ANKRD44: variants seen among roughly 807,000 people sequenced by gnomAD.
ANKRD44 encodes the protein ankyrin repeat domain 44, also known as serine/threonine-protein phosphatase 6 regulatory ankyrin repeat subunit B.
Under a neutral mutation model 116.0 loss-of-function variants are expected in ANKRD44, and 35 were observed. The ratio of observed to expected loss-of-function variants is 0.30; its 90% CI spans 0.23 to 0.40. The LOEUF (loss-of-function observed/expected upper bound fraction) is 0.40, where lower values mean the gene tolerates loss of function less well. ANKRD44 is among the 10% of genes least tolerant of loss of function. ANKRD44 has a pLI of 1.00. For synonymous variants in ANKRD44, 435 were observed against 461.8 expected (o/e 0.94, Z 0.74); for missense variants, 1,014 against 1,242.6 (o/e 0.82, Z 2.77).
chr2:197,238,328 T>TA (rs34671387), intron 1 of ANKRD44, among the ~76,000 whole-genome samples: 53,066 of 151,058 alleles, frequency 0.35, 11,351 homozygotes, highest in East Asian at 0.64. Context: ...CACTCTACCG[T>TA]AAAAAAAAAT....
In ANKRD44 at chr2:197,071,614, A is replaced by G. The variant is rs1021835316; in HGVS notation, c.1650+7089T>C. ...TGAATTTTGTTTTATGGTTCAAGATATTGCTTATCTTTGTGAATGTTCATG... is the reference window on the plus strand; with the variant it reads ...TGAATTTTGTTTTATGGTTCAAGATGTTGCTTATCTTTGTGAATGTTCATG... On this transcript the variant is annotated intron_variant, in intron 16 of 27. Coordinates refer to ENST00000282272, the MANE Select transcript of ANKRD44 (RefSeq NM_001195144.2). 3.3e-5 allele frequency among the ~76,000 whole-genome samples: 5 copies of G among 152,224 alleles called. No homozygotes were observed. The East Asian group carries it at 9.6e-4, about 29-fold the overall frequency.
rs1179524292 is a variant in ANKRD44 at position 196,971,678 on chromosome 2, A to T, written c.2369-4232T>A. ...AAGGAGTAATATTTAACTCATACAT[A>T]CCAGAAGAGGATACTGGCTAGCAGT... On this transcript the variant is annotated intron_variant, in intron 21 of 21. Transcript: ENST00000424317. 3.9e-5 allele frequency among the ~76,000 whole-genome samples: 6 copies of T among 152,138 alleles called. No individual in the cohort carries two copies. In the East Asian group the frequency reaches 1.2e-3, roughly 29 times the overall value.
intron 1 of ANKRD44, among the ~76,000 whole-genome samples, chr2:197,214,225 T>C (rs1223978809): frequency 6.6e-6 from 1 of 152,192 alleles, no homozygotes; most frequent in African/African-American, 2.4e-5. Flanking sequence ...TTCTTAATTG[T>C]CCAATCTCAG....
At chr2:197,213,176 G>A (rs548197509) in intron 1 of ANKRD44, among the ~76,000 whole-genome samples, 4 of 152,254 alleles carry the variant, frequency 2.6e-5, no homozygotes, top group Non-Finnish European at 4.4e-5. Context: ...GCCACCCAGC[G>A]AGCTATGACC....
intron 20 of ANKRD44, among the ~76,000 whole-genome samples, chr2:197,006,436 C>G (rs998772982): frequency 2.0e-5 from 3 of 152,094 alleles, no homozygotes; most frequent in Admixed American, 6.6e-5. Flanking sequence ...CAGAGCAAGA[C>G]TCCATCTCAA....
chr2:197,279,146 C>T (rs2083191580), intron 1 of ANKRD44, among the ~76,000 whole-genome samples: 1 of 152,196 alleles, frequency 6.6e-6, no homozygotes, highest in Non-Finnish European at 1.5e-5. Context: ...ATTCAGTCCA[C>T]ATTTCAAAGA....
chr2:197,059,479 A>G (rs545559521), intron 16 of ANKRD44, among the ~76,000 whole-genome samples: 2 of 152,246 alleles, frequency 1.3e-5, no homozygotes. Context: ...TGATCCAATG[A>G]CAGCTAATCT....
chr2:197,052,440 C>T (rs180956097), intron 16 of ANKRD44, among the ~76,000 whole-genome samples: 7 of 152,146 alleles, frequency 4.6e-5, no homozygotes, highest in African/African-American at 1.7e-4. Flanking sequence ...AATCATCTTA[C>T]CCACATTACA....
At position 197,243,543 on chromosome 2, in the gene ANKRD44, A is replaced by G. The variant is rs532649924; in HGVS notation, c.28-56437T>C. On this transcript the variant is annotated intron_variant, in intron 1 of 27. Coordinates refer to ENST00000282272, the MANE Select transcript of ANKRD44 (RefSeq NM_001195144.2). ...CAGAAAACCTGTAGAGGACTATCTT[A>G]GTCCACTTGAGTTGCTATAACAAAA... Among the ~76,000 whole-genome samples the G allele has an allele frequency of 2.0e-5, 3 of 152,364 alleles. No homozygotes were observed. The South Asian group carries it at 6.2e-4, about 32-fold the overall frequency.
At chr2:196,993,834 C>G (rs1362546277) in intron 26 of ANKRD44, among the ~76,000 whole-genome samples, 160 bp from the exon 27 acceptor site, 1 of 152,134 alleles carries the variant, frequency 6.6e-6, no homozygotes. Flanking sequence ...AGATCTTTTC[C>G]AGGTGCTAAT....
chr2:197,021,882 G>A (rs1453804832), intron 17 of ANKRD44, among the ~76,000 whole-genome samples: 1 of 152,186 alleles, frequency 6.6e-6, no homozygotes, highest in African/African-American at 2.4e-5. Flanking sequence ...GAAAGAATTG[G>A]GATCTCAACA....
At chr2:197,051,376 C>T (rs2077103943) in intron 16 of ANKRD44, among the ~76,000 whole-genome samples, 1 of 152,058 alleles carries the variant, frequency 6.6e-6, no homozygotes, top group African/African-American at 2.4e-5. Context: ...TTGGTTAAAT[C>T]AGAATACATC....
chr2:196,977,121 T>C (rs753338431), intron 21 of ANKRD44, among the ~76,000 whole-genome samples: 3 of 152,130 alleles, frequency 2.0e-5, no homozygotes, highest in Non-Finnish European at 4.4e-5. Context: ...TTTAACAAAA[T>C]AAGTGCAAAA....
At chr2:197,187,191 T>A in intron 1 of ANKRD44, 85 bp from the exon 2 acceptor site, 1 of 1,364,548 alleles carries the variant, frequency 7.3e-7, no homozygotes, top group Admixed American at 1.8e-5. Flanking sequence ...GATTTGTTCC[T>A]TAAAAGTTTA....
At position 197,242,260 on chromosome 2, in the gene ANKRD44, T is replaced by C. The variant is rs2125801349; in HGVS notation, c.28-55154A>G. ...AACAGTACAGAAAAGTTATAACAGA[T>C]CTATGTAGCAAATATTTTATAATAT... On this transcript the variant is annotated intron_variant, in intron 1 of 27. Coordinates refer to ENST00000282272, the MANE Select transcript of ANKRD44 (RefSeq NM_001195144.2). 2.0e-5 allele frequency among the ~76,000 whole-genome samples: 3 copies of C among 152,282 alleles called. No individual in the cohort carries two copies. In the South Asian group the frequency reaches 6.2e-4, roughly 32 times the overall value.
intron 1 of ANKRD44, among the ~76,000 whole-genome samples, chr2:197,245,435 T>C (rs557398136): frequency 9.8e-5 from 15 of 152,310 alleles, no homozygotes; most frequent in Admixed American, 8.5e-4. Flanking sequence ...ATCCCTGGAT[T>C]TGGATATCTA....
At chr2:197,252,512 C>T (rs2178204) in intron 1 of ANKRD44, among the ~76,000 whole-genome samples, 15,563 of 152,044 alleles carry the variant, frequency 0.1, 865 homozygotes, top group Middle Eastern at 0.13. Flanking sequence ...GTTCACGCCA[C>T]TCTCCTGCCT....
intron 1 of ANKRD44, among the ~76,000 whole-genome samples, chr2:197,293,566 C>T (rs1020375995): frequency 3.3e-5 from 5 of 152,166 alleles, no homozygotes; most frequent in African/African-American, 1.2e-4. Flanking sequence ...ATCTTAAATA[C>T]ATCTCACAAA....
chr2:197,279,524 C>A (rs1177324854), intron 1 of ANKRD44, among the ~76,000 whole-genome samples: 1 of 152,158 alleles, frequency 6.6e-6, no homozygotes, highest in African/African-American at 2.4e-5. Flanking sequence ...CATTCTCTCC[C>A]ATCCAATCTC....
Sources: gnomAD v4.1 joint callset for allele counts (sites outside exome capture counted in the v4.1 genomes callset) on GRCh38, gnomAD v4.1.1 for gene constraint, MANE v1.5 for transcripts, NCBI Gene and HGNC (gene_info 2026-07-23, HGNC 2026-07-21) for gene names.